GPC6: variants seen among roughly 807,000 people sequenced by gnomAD.
GPC6 encodes glypican 6.
Under a neutral mutation model 55.2 loss-of-function variants are expected in GPC6, and 14 were observed. The observed-to-expected ratio is 0.25, with a 90% CI of 0.17 to 0.40. The LOEUF (loss-of-function observed/expected upper bound fraction) is 0.40. GPC6 is among the 10% of genes least tolerant of loss of function. The pLI, the probability that GPC6 is intolerant of heterozygous loss-of-function variation, is 1.00. For missense variants in GPC6, 641 were observed against 708.5 expected (o/e 0.90, Z 1.08); for synonymous variants, 278 against 259.6 (o/e 1.07, Z -0.68).
intron 1 of GPC6, among the ~76,000 whole-genome samples, chr13:93,518,686 G>A (rs1881298285): frequency 6.6e-6 from 1 of 151,954 alleles, no homozygotes; most frequent in Non-Finnish European, 1.5e-5. Flanking sequence ...AAGCCTCTGT[G>A]AGCCTTTGTT....
At chr13:94,164,690 G>A (rs563763196) in intron 4 of GPC6, among the ~76,000 whole-genome samples, 60 of 152,152 alleles carry the variant, frequency 3.9e-4, no homozygotes, top group African/African-American at 1.2e-3. Flanking sequence ...GTGATAGAGC[G>A]GATAACAGGG....
At position 93,783,309 on chromosome 13, in the gene GPC6, G is replaced by T. The variant is rs922370906; in HGVS notation, c.320-46845G>T. Among the ~76,000 whole-genome samples the T allele has an allele frequency of 3.9e-4, 59 of 152,088 alleles. 2 individuals carry two copies. Among genetic ancestry groups the T allele is most frequent in the South Asian group, 6.2e-4 (3 of 4,824 alleles). On this transcript the variant is annotated intron_variant, in intron 2 of 8. Coordinates refer to ENST00000377047, the MANE Select transcript of GPC6 (RefSeq NM_005708.5). ...TGTGCATCTATCGTTATAATAGAAT[G>T]ATTTATATTCCTTTGGGTATATACC...
intron 4 of GPC6, among the ~76,000 whole-genome samples, chr13:94,066,193 A>G (rs1884509515): frequency 6.6e-6 from 1 of 152,206 alleles, no homozygotes; most frequent in Admixed American, 6.5e-5. Flanking sequence ...TACCCATTGT[A>G]GATATTCATG....
intron 4 of GPC6, chr13:94,154,540 A>G (rs1887859206): frequency 6.6e-6 from 1 of 152,198 alleles, no homozygotes; most frequent in South Asian, 2.1e-4. Context: ...ATGTGACTGC[A>G]ACTGAATCTG....
At chr13:93,495,281 C>T (rs966645240) in intron 1 of GPC6, among the ~76,000 whole-genome samples, 15 of 150,806 alleles carry the variant, frequency 9.9e-5, no homozygotes, top group African/African-American at 3.7e-4. Context: ...ATTTCATCTT[C>T]CATTGTTGAT....
chr13:93,647,846 T>C (rs913393729), intron 2 of GPC6, among the ~76,000 whole-genome samples: 13 of 152,126 alleles, frequency 8.5e-5, no homozygotes, highest in Non-Finnish European at 1.8e-4. Flanking sequence ...CTGTTCAAAG[T>C]CCTGAGAGAC....
chr13:93,641,207 T>A (rs1040199511), intron 2 of GPC6, among the ~76,000 whole-genome samples: 1 of 152,076 alleles, frequency 6.6e-6, no homozygotes, highest in Non-Finnish European at 1.5e-5. Flanking sequence ...GCTCTTACAC[T>A]GCATTCACAA....
intron 3 of GPC6, among the ~76,000 whole-genome samples, chr13:93,919,459 C>T (rs565439640): frequency 9.2e-5 from 14 of 152,322 alleles, no homozygotes; most frequent in South Asian, 6.2e-4. Context: ...TACCACATTA[C>T]ACCATGTTCC....
intron 1 of GPC6, among the ~76,000 whole-genome samples, chr13:93,234,508 GA>G (rs1187605840): frequency 1.3e-5 from 2 of 152,148 alleles, no homozygotes; most frequent in African/African-American, 2.4e-5. Context: ...GGATTGAGGG[GA>G]AAAAACAGAT....
At chr13:93,919,031 C>T (rs995867455) in intron 3 of GPC6, among the ~76,000 whole-genome samples, 3 of 152,090 alleles carry the variant, frequency 2.0e-5, no homozygotes, top group Non-Finnish European at 4.4e-5. Flanking sequence ...TCATGAATGG[C>T]GTAGCACCAT....
intron 2 of GPC6, among the ~76,000 whole-genome samples, chr13:93,771,937 T>G (rs1484175973): frequency 6.6e-6 from 1 of 152,180 alleles, no homozygotes; most frequent in Admixed American, 6.5e-5. Flanking sequence ...TGCTGAAGAT[T>G]AGCACTGTGG....
intron 4 of GPC6, among the ~76,000 whole-genome samples, chr13:94,218,534 G>A (rs1157055870): frequency 1.3e-5 from 2 of 152,112 alleles, no homozygotes; most frequent in Non-Finnish European, 2.9e-5. Flanking sequence ...AGGTGAGCTC[G>A]AATCTACTTG....
chr13:93,302,749 C>T (rs942647345), intron 1 of GPC6, among the ~76,000 whole-genome samples: 1 of 152,162 alleles, frequency 6.6e-6, no homozygotes. Context: ...AATCCTATCT[C>T]TTCTAGTGGA....
chr13:93,539,262 A>T (rs1439811871), intron 1 of GPC6, among the ~76,000 whole-genome samples: 1 of 151,978 alleles, frequency 6.6e-6, no homozygotes, highest in African/African-American at 2.4e-5. Context: ...CTCTAGAACC[A>T]TGCTTCTCAG....
intron 1 of GPC6, among the ~76,000 whole-genome samples, chr13:93,475,165 C>G (rs1879257394): frequency 6.6e-6 from 1 of 151,852 alleles, no homozygotes; most frequent in African/African-American, 2.4e-5. Context: ...TAAATACACA[C>G]ACACACACAC....
At chr13:93,593,869 T>G (rs1171042655) in intron 2 of GPC6, among the ~76,000 whole-genome samples, 1 of 152,130 alleles carries the variant, frequency 6.6e-6, no homozygotes, top group Non-Finnish European at 1.5e-5. Flanking sequence ...GAAAGATTTC[T>G]CTGTACTGAA....
chr13:93,535,168 A>G (rs573625417), intron 1 of GPC6, among the ~76,000 whole-genome samples: 1 of 152,306 alleles, frequency 6.6e-6, no homozygotes, highest in African/African-American at 2.4e-5. Context: ...GTGTCTAATT[A>G]TATATTAGAC....
At chr13:93,928,218 A>G (rs138973536) in intron 3 of GPC6, among the ~76,000 whole-genome samples, 5 of 152,338 alleles carry the variant, frequency 3.3e-5, no homozygotes, top group East Asian at 1.9e-4. Flanking sequence ...CCACAACTGT[A>G]TATCCTGAAT....
chr13:93,303,101 T>G (rs1878736845), intron 1 of GPC6, among the ~76,000 whole-genome samples: 1 of 152,226 alleles, frequency 6.6e-6, no homozygotes, highest in Admixed American at 6.5e-5. Context: ...ATAAGTTCTT[T>G]GTATGACTTC....
Sources: gnomAD v4.1 joint callset for allele counts (sites outside exome capture counted in the v4.1 genomes callset) on GRCh38, gnomAD v4.1.1 for gene constraint, MANE v1.5 for transcripts, NCBI Gene and HGNC (gene_info 2026-07-23, HGNC 2026-07-21) for gene names.